Variants in PCDHGB3 observed in about 807,000 individuals in gnomAD.
PCDHGB3 encodes protocadherin gamma-B3.
A neutral mutation model predicts 59.2 loss-of-function variants in PCDHGB3; 40 were observed. The ratio of observed to expected loss-of-function variants is 0.68; its 90% CI spans 0.52 to 0.88. The LOEUF (loss-of-function observed/expected upper bound fraction) is 0.88, where lower values mean the gene tolerates loss of function less well. Ranked by LOEUF, PCDHGB3 falls within the 40% of genes least tolerant of loss-of-function variation. The pLI, the probability that PCDHGB3 is intolerant of heterozygous loss-of-function variation, is 0.00. For missense variants in PCDHGB3, 1,309 were observed against 1,187.9 expected, an observed-to-expected ratio of 1.10 and a Z score of -1.50; for synonymous variants, 581 against 503.6, an observed-to-expected ratio of 1.15 and a Z score of -2.06.
intron 1 of PCDHGB3, chr5:141,413,967 G>A: frequency 6.2e-7 from 1 of 1,613,428 alleles, no homozygotes; most frequent in Non-Finnish European, 8.5e-7. Context: ...TGGGCACTCA[G>A]CTGCTGACAG....
intron 1 of PCDHGB3, chr5:141,419,306 C>A: frequency 1.9e-6 from 3 of 1,614,032 alleles, no homozygotes; most frequent in Non-Finnish European, 2.5e-6. Context: ...AGACTTCGGG[C>A]TCAACGGCCG....
intron 1 of PCDHGB3, chr5:141,421,696 A>G: frequency 6.2e-7 from 1 of 1,613,886 alleles, no homozygotes; most frequent in Non-Finnish European, 8.5e-7. Context: ...TGCTCTTCCT[A>G]ATGCTAGGGA....
chr5:141,417,963 A>T (rs1260025037), intron 1 of PCDHGB3: 1 of 1,613,258 alleles, frequency 6.2e-7, no homozygotes, highest in Non-Finnish European at 8.5e-7. Flanking sequence ...CCGATCCGCT[A>T]CTCGATTCCG....
At chr5:141,480,298 C>T (rs1238380283) in intron 1 of PCDHGB3, among the ~76,000 whole-genome samples, 1 of 132,676 alleles carries the variant, frequency 7.5e-6, no homozygotes, top group Non-Finnish European at 1.6e-5. Flanking sequence ...ACCTGTGGTA[C>T]CAGCTACTTG....
rs1391017504 is a variant in PCDHGB3 at position 141,490,732 on chromosome 5, G to GTTCAGGGAGCCCCAGCCTCCTCCT, written c.2416-4072_2416-4049dup. 6.2e-7 allele frequency: 1 copy of GTTCAGGGAGCCCCAGCCTCCTCCT among 1,614,070 alleles called. No individual in the cohort carries two copies. Among genetic ancestry groups the GTTCAGGGAGCCCCAGCCTCCTCCT allele is most frequent in the Non-Finnish European group, 8.5e-7 (1 of 1,180,050 alleles). On this transcript the variant is annotated intron_variant, in intron 1 of 3. Coordinates refer to ENST00000576222, the MANE Select transcript of PCDHGB3 (RefSeq NM_018924.5). This position sits in a 1 kb window ranked among gnomAD's most constrained non-coding sequence, Gnocchi z 5.4. ...CACCTACTCCATTGTAGGAAATCAG[G>GTTCAGGGAGCCCCAGCCTCCTCCT]TTCAGGGAGCCCCAGCCTCCTCCTT...
At position 141,511,262 on chromosome 5, in the gene PCDHGB3, G is replaced by A; in HGVS notation, c.*89G>A. 1 of 1,556,036 alleles carries A rather than the reference G, an allele frequency of 6.4e-7. No individual in the cohort carries two copies. The highest frequency in any genetic ancestry group is 8.7e-7 in the Non-Finnish European group (1 of 1,150,444). On this transcript the variant is annotated 3_prime_UTR_variant, in exon 4 of 4. Transcript: ENST00000576222. ...TGCACCCAGGCCTCAGAGTTTCAGG[G>A]CTAACCCCCAGAATACTGGTAGGGG...
intron 1 of PCDHGB3, chr5:141,433,047 C>G: frequency 1.9e-6 from 3 of 1,614,164 alleles, no homozygotes; most frequent in Non-Finnish European, 2.5e-6. Context: ...ACCACGGACT[C>G]GCGGAAGAGT....
At chr5:141,426,858 T>C (rs898486771) in intron 1 of PCDHGB3, 1 of 456,574 alleles carries the variant, frequency 2.2e-6, no homozygotes, top group Non-Finnish European at 4.4e-6. Context: ...CGCTCCAGAA[T>C]TAGTGCTGGA....
In PCDHGB3 at chr5:141,491,419, G is replaced by A. The variant is rs1422517367; in HGVS notation, c.2416-3388G>A. On this transcript the variant is annotated intron_variant, in intron 1 of 3. Coordinates refer to ENST00000576222, the MANE Select transcript of PCDHGB3 (RefSeq NM_018924.5). This position sits in a 1 kb window ranked among gnomAD's most constrained non-coding sequence, Gnocchi z 6.9. ...GGGAAACGCAGACGGGGACGGGGGT[G>A]GAGGGCAGTGCTGCAGGCGCCAGGA... 1 of 1,614,124 alleles carries A rather than the reference G, an allele frequency of 6.2e-7. No individual in the cohort carries two copies.
chr5:141,487,718 A>G lies in PCDHGB3; in HGVS notation c.2416-7089A>G. Reference sequence around the variant, plus strand: ...TACTGGCCTCTCAGTAAGTGCCCATAGTGATGTCACCATTTTTGTAAGAGG... The same window carrying G: ...TACTGGCCTCTCAGTAAGTGCCCATGGTGATGTCACCATTTTTGTAAGAGG... On this transcript the variant is annotated intron_variant, in intron 1 of 3. Coordinates refer to ENST00000576222, the MANE Select transcript of PCDHGB3 (RefSeq NM_018924.5). The surrounding 1 kb of genome is among the most constrained non-coding windows in gnomAD (Gnocchi z 5.0). The G allele has an allele frequency of 1.3e-6, 2 of 1,580,268 alleles. No individual in the cohort carries two copies. The highest frequency in any genetic ancestry group is 1.7e-6 in the Non-Finnish European group (2 of 1,161,186).
chr5:141,413,388 C>T (rs765673305), intron 1 of PCDHGB3: 39 of 1,614,012 alleles, frequency 2.4e-5, no homozygotes, highest in Non-Finnish European at 3.2e-5. Context: ...TCCGCATAGT[C>T]TCCAGAGGTA....
At position 141,512,967 on chromosome 5, in the gene PCDHGB3, T is replaced by C. The variant is rs2099884538; in HGVS notation, c.*1794T>C. ...CGACAAAAAAATAATAAAACGTTTC[T>C]TCTGAAAAGCTGAACGTTTCTGTAT... On this transcript the variant is annotated 3_prime_UTR_variant, in exon 4 of 4. Transcript: ENST00000576222. The C allele has an allele frequency of 6.6e-6, 1 of 152,260 alleles. No individual in the cohort carries two copies. Among genetic ancestry groups the C allele is most frequent in the South Asian group, 2.1e-4 (1 of 4,832 alleles). The allele number at this position is 152,260 out of a possible 1,614,324, so 9.4% of individuals were successfully genotyped here.
At chr5:141,398,905 A>C in intron 1 of PCDHGB3, 1 of 1,613,984 alleles carries the variant, frequency 6.2e-7, no homozygotes, top group Non-Finnish European at 8.5e-7. Context: ...ACCAGGCACC[A>C]CTGTGTTGCA....
chr5:141,503,418 A>G (rs1037754214), intron 2 of PCDHGB3, among the ~76,000 whole-genome samples: 1 of 151,528 alleles, frequency 6.6e-6, no homozygotes, highest in Admixed American at 6.6e-5. Context: ...AATATGGTGA[A>G]ACCCCATCTC....
intron 1 of PCDHGB3, chr5:141,423,386 G>T: frequency 6.2e-7 from 1 of 1,614,160 alleles, no homozygotes; most frequent in Middle Eastern, 1.7e-4. Flanking sequence ...CTGTGGCGCT[G>T]GCATAAGTCA....
At chr5:141,507,447 G>A (rs998019159) in intron 3 of PCDHGB3, among the ~76,000 whole-genome samples, 1 of 152,226 alleles carries the variant, frequency 6.6e-6, no homozygotes, top group Non-Finnish European at 1.5e-5. Flanking sequence ...GCTGACGGAA[G>A]GACAGAGAGA....
chr5:141,431,609 G>A lies in PCDHGB3; in HGVS notation c.2415+58800G>A. The A allele has an allele frequency of 6.2e-7, 1 of 1,614,232 alleles. No homozygotes were observed. The highest frequency in any genetic ancestry group is 8.5e-7 in the Non-Finnish European group (1 of 1,180,046). On this transcript the variant is annotated intron_variant, in intron 1 of 3. Coordinates refer to ENST00000576222, the MANE Select transcript of PCDHGB3 (RefSeq NM_018924.5). The surrounding 1 kb of genome is among the most constrained non-coding windows in gnomAD (Gnocchi z 4.8). ...GGAAGTGAGGTATTCCTTCCGGTAT[G>A]TGGACGACAAGGCGGCCCAAGTTTT...
In PCDHGB3 at chr5:141,423,081, C is replaced by T. The variant is rs1393904828; in HGVS notation, c.2415+50272C>T. 3.1e-6 allele frequency: 5 copies of T among 1,613,966 alleles called. No individual in the cohort carries two copies. The African/African-American group carries it at 4.0e-5, about 13-fold the overall frequency. ...TTAAGGCCAGCGAGCCGGGACTCTT[C>T]GCGGTGGGGGAGCACACGGGCGAGG... is the stretch of plus-strand genomic sequence containing the variant. On this transcript the variant is annotated intron_variant, in intron 1 of 3. Coordinates refer to ENST00000576222, the MANE Select transcript of PCDHGB3 (RefSeq NM_018924.5).
chr5:141,435,897 A>G (rs1206255678), intron 1 of PCDHGB3, among the ~76,000 whole-genome samples: 2 of 152,166 alleles, frequency 1.3e-5, no homozygotes, highest in East Asian at 1.9e-4. Context: ...TAGAGAATGA[A>G]AGACATCCAA....
Sources: allele counts gnomAD v4.1 joint callset (sites outside exome capture counted in the v4.1 genomes callset), GRCh38; gene constraint gnomAD v4.1.1; non-coding constraint Gnocchi (gnomAD v3.1); transcripts MANE v1.5; gene names NCBI Gene and HGNC (gene_info 2026-07-23, HGNC 2026-07-21).